The following PLEKHH1 variants were observed in gnomAD, a reference collection of about 807,000 sequenced individuals.
The protein encoded by PLEKHH1 is pleckstrin homology domain-containing family H member 1.
PLEKHH1 carries 104 observed loss-of-function variants against 160.0 expected under a neutral mutation model. The observed-to-expected ratio is 0.65, with a 90% CI of 0.55 to 0.76. PLEKHH1 has a LOEUF of 0.76. Among genes scored for constraint, PLEKHH1 ranks in the 30% least tolerant of loss-of-function variants. The probability of loss-of-function intolerance (pLI) is 0.00; values close to 1 mark genes in which losing one functional copy is unlikely to be tolerated. For synonymous variants in PLEKHH1, 619 were observed against 678.4 expected (o/e 0.91, Z 1.36); for missense variants, 1,427 against 1,724.1 (o/e 0.83, Z 3.05).
At chr14:67,557,208 T>G (rs1348882113) in intron 3 of PLEKHH1, 61 bp from the exon 4 acceptor site, 1 of 1,452,682 alleles carries the variant, frequency 6.9e-7, no homozygotes, top group African/African-American at 1.4e-5. Context: ...CCCACGTTAC[T>G]GGCCACTGCA....
At chr14:67,585,479 C>T in intron 26 of PLEKHH1, 89 bp from the exon 27 acceptor site, 1 of 830,290 alleles carries the variant, frequency 1.2e-6, no homozygotes, top group Admixed American at 2.2e-5. Context: ...CTTAGCAGAT[C>T]CCTGGATGTG....
chr14:67,550,355 A>G (rs1452333003), intron 2 of PLEKHH1, among the ~76,000 whole-genome samples: 3 of 152,042 alleles, frequency 2.0e-5, no homozygotes, highest in Admixed American at 6.6e-5. Context: ...TGCCTGGCTG[A>G]TTTTTGTATT....
Position 67,587,402 on chromosome 14 carries a change from A to G in PLEKHH1, c.*167A>G, listed in dbSNP as rs925935268. 42 of 739,488 alleles carry G rather than the reference A, an allele frequency of 5.7e-5. No individual in the cohort carries two copies. The highest frequency in any genetic ancestry group is 2.5e-4 in the Middle Eastern group (1 of 4,020). The allele number at this position is 739,488 out of a possible 1,614,324, so 45.8% of individuals were successfully genotyped here. A position where few individuals can be genotyped will look rare whatever the true frequency, so the allele number is the denominator to read the frequency against. Reference sequence around the variant, plus strand: ...AGCCTTTACTCTCTAGGTGCCTTATAATGTTTCAGGGCTCAACTTTTTAAA... The same window carrying G: ...AGCCTTTACTCTCTAGGTGCCTTATGATGTTTCAGGGCTCAACTTTTTAAA... On this transcript the variant is annotated 3_prime_UTR_variant, in exon 29 of 29. Transcript: ENST00000329153.
At chr14:67,580,716 T>C (rs553442156) in intron 22 of PLEKHH1, among the ~76,000 whole-genome samples, 9 of 152,320 alleles carry the variant, frequency 5.9e-5, no homozygotes, top group Non-Finnish European at 1.3e-4. Context: ...AGGGCAGATT[T>C]CTTGCTTTAT....
intron 7 of PLEKHH1, among the ~76,000 whole-genome samples, chr14:67,568,255 C>T (rs556071696): frequency 1.2e-4 from 18 of 152,222 alleles, no homozygotes; most frequent in African/African-American, 4.1e-4. Flanking sequence ...CATGGAATAC[C>T]GTGCAGCCAT....
Position 67,578,519 on chromosome 14 carries a change from C to G in PLEKHH1, c.2752-15C>G, listed in dbSNP as rs1432429842. On this transcript the variant is annotated splice_polypyrimidine_tract_variant and intron_variant, in intron 19 of 28. Transcript: ENST00000329153. The surrounding 1 kb of genome is among the most constrained non-coding windows in gnomAD (Gnocchi z 5.0). ...AGGCCCAGCACTCACCCCACGCTGTCTGTGTCCCTGGCAGTGCTGGCAGCT... is the reference window on the plus strand; with the variant it reads ...AGGCCCAGCACTCACCCCACGCTGTGTGTGTCCCTGGCAGTGCTGGCAGCT... The G allele has an allele frequency of 6.3e-7, 1 of 1,582,480 alleles. No homozygotes were observed. Among genetic ancestry groups the G allele is most frequent in the South Asian group, 1.1e-5 (1 of 88,136 alleles).
chr14:67,557,443 A>C, intron 4 of PLEKHH1, 25 bp downstream of exon 4: 1 of 1,607,052 alleles, frequency 6.2e-7, no homozygotes, highest in South Asian at 1.1e-5. Context: ...GCAAGGGAGC[A>C]CCATGCCCTC....
chr14:67,554,593 C>G (rs2034522289), intron 2 of PLEKHH1, among the ~76,000 whole-genome samples: 1 of 152,206 alleles, frequency 6.6e-6, no homozygotes, highest in African/African-American at 2.4e-5. Context: ...TGAATTTGCT[C>G]TGCTTCTGCG....
chr14:67,567,050 A>G (rs1336021603), intron 7 of PLEKHH1, among the ~76,000 whole-genome samples: 1 of 152,122 alleles, frequency 6.6e-6, no homozygotes, highest in African/African-American at 2.4e-5. Flanking sequence ...AGGAGATCTC[A>G]TCCTGTTTGC....
At chr14:67,562,986 G>A in intron 7 of PLEKHH1, 92 bp downstream of exon 7, 1 of 1,315,194 alleles carries the variant, frequency 7.6e-7, no homozygotes, top group Non-Finnish European at 1.0e-6. Context: ...CAGGAGAGGA[G>A]GCTGCTGGCA....
intron 1 of PLEKHH1, among the ~76,000 whole-genome samples, chr14:67,536,153 C>T (rs575660893): frequency 6.6e-6 from 1 of 152,094 alleles, no homozygotes; most frequent in South Asian, 2.1e-4. Flanking sequence ...GAGGTTCCTG[C>T]GGCCTAGGAC....
At chr14:67,549,981 C>G (rs4902483) in intron 2 of PLEKHH1, among the ~76,000 whole-genome samples, 90,917 of 151,994 alleles carry the variant, frequency 0.6, 27,648 homozygotes, top group Non-Finnish European at 0.65. Context: ...GCCCCATTCA[C>G]CTGTCTTTCT....
chr14:67,553,404 G>T (rs2034475023), intron 2 of PLEKHH1, among the ~76,000 whole-genome samples: 1 of 152,010 alleles, frequency 6.6e-6, no homozygotes, highest in African/African-American at 2.4e-5. Flanking sequence ...ACCCAACTCT[G>T]TCTGGCTTAA....
chr14:67,552,932 T>C (rs2034454655), intron 2 of PLEKHH1, among the ~76,000 whole-genome samples: 1 of 152,200 alleles, frequency 6.6e-6, no homozygotes, highest in South Asian at 2.1e-4. Flanking sequence ...AGCATGTGCA[T>C]GGGATAGATA....
intron 1 of PLEKHH1, among the ~76,000 whole-genome samples, chr14:67,540,921 G>C (rs572152293): frequency 8.3e-4 from 127 of 152,180 alleles, no homozygotes; most frequent in African/African-American, 3.0e-3. Context: ...TGTCCAGAAG[G>C]CATCTGAGTG....
Position 67,576,177 on chromosome 14 carries a change from C to A in PLEKHH1, c.2352+172C>A, listed in dbSNP as rs1214073624. Among the ~76,000 whole-genome samples, 4 of 152,216 alleles carry A rather than the reference C, an allele frequency of 2.6e-5. No homozygotes were observed. Among genetic ancestry groups the A allele is most frequent in the Non-Finnish European group, 5.9e-5 (4 of 68,040 alleles). Reference sequence around the variant, plus strand: ...TTTATACTGAATTTATTCCCAGTGACCAACATTGCTTCACTGAGGTCATGT... The same window carrying A: ...TTTATACTGAATTTATTCCCAGTGAACAACATTGCTTCACTGAGGTCATGT... On this transcript the variant is annotated intron_variant, in intron 16 of 28. Coordinates refer to ENST00000329153, the MANE Select transcript of PLEKHH1 (RefSeq NM_020715.3). The surrounding 1 kb of genome is among the most constrained non-coding windows in gnomAD (Gnocchi z 4.0).
intron 10 of PLEKHH1, 104 bp from the exon 11 acceptor site, chr14:67,572,031 C>T: frequency 1.3e-6 from 2 of 1,485,702 alleles, no homozygotes; most frequent in Non-Finnish European, 1.8e-6. Context: ...ACCCCCAGCC[C>T]CAGAGACCGG....
chr14:67,581,969 T>C, intron 23 of PLEKHH1, 100 bp from the exon 24 acceptor site: 1 of 1,159,218 alleles, frequency 8.6e-7, no homozygotes, highest in Non-Finnish European at 1.2e-6. Flanking sequence ...GGGAAAAGAG[T>C]ACTTTATCTT....
chr14:67,576,369 TC>T lies in PLEKHH1; in HGVS notation c.2353-24del. ...CTCCACTCTTCCCACCCCGTCCCCATCCGATGGCTTTCCGCCCTCTTCCAGG... is the reference window on the plus strand; with the variant it reads ...CTCCACTCTTCCCACCCCGTCCCCATCGATGGCTTTCCGCCCTCTTCCAGG... On this transcript the variant is annotated intron_variant, in intron 16 of 28. Coordinates refer to ENST00000329153, the MANE Select transcript of PLEKHH1 (RefSeq NM_020715.3). The surrounding 1 kb of genome is among the most constrained non-coding windows in gnomAD (Gnocchi z 4.0). 1 of 1,350,078 alleles carries T rather than the reference TC, an allele frequency of 7.4e-7. No individual in the cohort carries two copies. Among genetic ancestry groups the T allele is most frequent in the African/African-American group, 1.4e-5 (1 of 69,894 alleles). The allele number at this position is 1,350,078 out of a possible 1,614,324, so 83.6% of individuals were successfully genotyped here.
Sources: allele counts gnomAD v4.1 joint callset (sites outside exome capture counted in the v4.1 genomes callset), GRCh38; gene constraint gnomAD v4.1.1; non-coding constraint Gnocchi (gnomAD v3.1); transcripts MANE v1.5; gene names NCBI Gene and HGNC (gene_info 2026-07-23, HGNC 2026-07-21).